Variants in MTHFD2L observed in about 807,000 individuals in gnomAD.
The protein encoded by MTHFD2L is bifunctional methylenetetrahydrofolate dehydrogenase/cyclohydrolase 2, mitochondrial.
In MTHFD2L, 29 loss-of-function variants were observed where a neutral mutation model predicts 34.9. That is an observed-to-expected ratio of 0.83 (90% CI 0.62 to 1.13). MTHFD2L has a LOEUF of 1.13. Among genes scored for constraint, MTHFD2L ranks in the 50% most tolerant of loss-of-function variants. The probability of loss-of-function intolerance (pLI) is 0.00; values close to 1 mark genes in which losing one functional copy is unlikely to be tolerated. For synonymous variants in MTHFD2L, 167 were observed against 155.7 expected (o/e 1.07, Z -0.54); for missense variants, 481 against 446.5 (o/e 1.08, Z -0.70).
intron 6 of MTHFD2L, among the ~76,000 whole-genome samples, chr4:74,232,027 A>G (rs1272943123): frequency 6.6e-6 from 1 of 152,190 alleles, no homozygotes; most frequent in Non-Finnish European, 1.5e-5. Flanking sequence ...AATGTATTCT[A>G]TGTTAGGCAT....
At chr4:74,208,466 A>C (rs1190404108) in intron 5 of MTHFD2L, among the ~76,000 whole-genome samples, 3 of 152,200 alleles carry the variant, frequency 2.0e-5, no homozygotes, top group African/African-American at 7.2e-5. Flanking sequence ...TGGAGAGTGA[A>C]GTCCGAATCT....
intron 1 of MTHFD2L, among the ~76,000 whole-genome samples, chr4:74,150,357 G>A (rs1268583662): frequency 2.6e-5 from 4 of 152,182 alleles, no homozygotes; most frequent in Admixed American, 1.3e-4. Flanking sequence ...AGGTTCAAGC[G>A]ATTCTCCTGC....
chr4:74,277,135 C>T lies in MTHFD2L; in HGVS notation c.806-4290C>T, dbSNP rs79022127. The stretch of plus-strand genomic sequence containing the variant: ...TAAGAATGGTGAGACAGAACACTCA[C>T]ACAAATCAGCCAAAGCAGATTTTTT... On this transcript the variant is annotated intron_variant, in intron 6 of 7. Coordinates refer to ENST00000325278, the MANE Select transcript of MTHFD2L (RefSeq NM_001144978.3). 8.9e-3 allele frequency among the ~76,000 whole-genome samples: 1,301 copies of T among 146,532 alleles called. 27 individuals are homozygous for T. Among genetic ancestry groups the T allele is most frequent in the South Asian group, 0.061 (286 of 4,662 alleles).
intron 5 of MTHFD2L, among the ~76,000 whole-genome samples, chr4:74,205,254 CAT>C (rs1312998782): frequency 3.9e-5 from 6 of 152,042 alleles, no homozygotes; most frequent in Non-Finnish European, 7.4e-5. Flanking sequence ...ATATTTCAAA[CAT>C]GCGTGTCTGT....
chr4:74,191,072 A>G (rs561596422), intron 3 of MTHFD2L, among the ~76,000 whole-genome samples: 63 of 151,834 alleles, frequency 4.1e-4, no homozygotes, highest in African/African-American at 1.3e-3. Context: ...ATCTAATTTT[A>G]GTATTTTTAC....
At position 74,140,874 on chromosome 4, in the gene MTHFD2L, T is replaced by C. The variant is rs150770427; in HGVS notation, c.-297+15357T>C. On this transcript the variant is annotated intron_variant, in intron 1 of 7. Transcript: ENST00000433372. ...GGGGTAAACTGCCCCCACGATTCAA[T>C]TTTCTTTTCCTGGTTCCTCCCACAA... Among the ~76,000 whole-genome samples, 310 of 152,290 alleles carry C rather than the reference T, an allele frequency of 2.0e-3. 5 individuals are homozygous for C. The highest frequency in any genetic ancestry group is 0.018 in the Admixed American group (269 of 15,296).
chr4:74,219,450 G>T (rs1026437709), intron 5 of MTHFD2L, among the ~76,000 whole-genome samples: 1 of 152,064 alleles, frequency 6.6e-6, no homozygotes, highest in Non-Finnish European at 1.5e-5. Flanking sequence ...GCTGCGACTT[G>T]CTAGTACTAG....
At chr4:74,181,020 A>C (rs1730062409) in intron 3 of MTHFD2L, among the ~76,000 whole-genome samples, 1 of 152,014 alleles carries the variant, frequency 6.6e-6, no homozygotes, top group Non-Finnish European at 1.5e-5. Context: ...GTATAGAGTA[A>C]AGTAATTAGA....
chr4:74,172,344 A>G (rs1178320618), intron 1 of MTHFD2L, among the ~76,000 whole-genome samples: 2 of 152,224 alleles, frequency 1.3e-5, no homozygotes, highest in South Asian at 2.1e-4. Context: ...TTATATGACA[A>G]TTATACTGAA....
At chr4:74,300,610 C>G (rs191767245) in intron 7 of MTHFD2L, among the ~76,000 whole-genome samples, 30 of 152,110 alleles carry the variant, frequency 2.0e-4, no homozygotes, top group African/African-American at 7.2e-4. Flanking sequence ...TGCTCTTATT[C>G]ACACAGTAAA....
chr4:74,257,116 TG>T (rs1038721687), intron 6 of MTHFD2L, among the ~76,000 whole-genome samples: 4 of 152,174 alleles, frequency 2.6e-5, no homozygotes, highest in Non-Finnish European at 5.9e-5. Context: ...CCCATTTGTT[TG>T]TGTCACCTCT....
At chr4:74,114,895 A>T (rs939702384) in intron 2 of MTHFD2L, among the ~76,000 whole-genome samples, 4 of 152,166 alleles carry the variant, frequency 2.6e-5, no homozygotes, top group African/African-American at 9.7e-5. Flanking sequence ...CACCAACCTC[A>T]AAAAGAAGGA....
chr4:74,158,782 T>G (rs1404368629), intron 1 of MTHFD2L, among the ~76,000 whole-genome samples: 2 of 152,196 alleles, frequency 1.3e-5, no homozygotes, highest in Non-Finnish European at 2.9e-5. Context: ...GATTTCTCAG[T>G]CTTTTCATGT....
At chr4:74,199,365 A>G (rs371128482) in intron 3 of MTHFD2L, among the ~76,000 whole-genome samples, 2 of 152,272 alleles carry the variant, frequency 1.3e-5, no homozygotes, top group African/African-American at 4.8e-5. Context: ...TCTTAACACT[A>G]ACAAACCCCT....
At chr4:74,217,727 A>G (rs1737433335) in intron 5 of MTHFD2L, among the ~76,000 whole-genome samples, 1 of 151,346 alleles carries the variant, frequency 6.6e-6, no homozygotes, top group African/African-American at 2.5e-5. Flanking sequence ...GTTTCTGTTG[A>G]AGACAGATCT....
intron 1 of MTHFD2L, among the ~76,000 whole-genome samples, chr4:74,174,082 G>A (rs1214184051): frequency 6.6e-6 from 1 of 152,050 alleles, no homozygotes; most frequent in Non-Finnish European, 1.5e-5. Context: ...TTAATAGATA[G>A]CTGTCTTCGT....
chr4:74,207,760 A>G (rs1261916), intron 5 of MTHFD2L, among the ~76,000 whole-genome samples: 4,078 of 116,858 alleles, frequency 0.035, 228 homozygotes, highest in African/African-American at 0.13. Context: ...CAGTTGTGAA[A>G]AAGAACTTTT....
At chr4:74,233,711 A>G (rs543945741) in intron 6 of MTHFD2L, among the ~76,000 whole-genome samples, 1 of 152,216 alleles carries the variant, frequency 6.6e-6, no homozygotes, top group South Asian at 2.1e-4. Context: ...AGCCTCAAAT[A>G]AGCAAAAACA....
chr4:74,298,437 G>A (rs772908179), intron 7 of MTHFD2L, among the ~76,000 whole-genome samples: 7 of 151,920 alleles, frequency 4.6e-5, no homozygotes, highest in Middle Eastern at 3.2e-3. Flanking sequence ...AAAAATTTCC[G>A]GCGGATATTA....
Sources: gnomAD v4.1 joint callset for allele counts (sites outside exome capture counted in the v4.1 genomes callset) on GRCh38, gnomAD v4.1.1 for gene constraint, MANE v1.5 for transcripts, NCBI Gene and HGNC (gene_info 2026-07-23, HGNC 2026-07-21) for gene names.